The following FHOD3 variants were observed in gnomAD, a reference collection of about 807,000 sequenced individuals.
FHOD3 encodes formin homology 2 domain containing 3, also known as FH1/FH2 domain-containing protein 3.
In FHOD3, 90 loss-of-function variants were observed where a neutral mutation model predicts 173.0. That is an observed-to-expected ratio of 0.52 (90% CI 0.44 to 0.62). The LOEUF (loss-of-function observed/expected upper bound fraction) is 0.62, where lower values mean the gene tolerates loss of function less well. Ranked by LOEUF, FHOD3 falls within the 20% of genes least tolerant of loss-of-function variation. The pLI, the probability that FHOD3 is intolerant of heterozygous loss-of-function variation, is 0.00. For synonymous variants in FHOD3, 828 were observed against 823.0 expected (o/e 1.01, Z -0.10); for missense variants, 1,945 against 2,034.7 (o/e 0.96, Z 0.85).
chr18:36,318,668 G>A (rs1372419925), intron 1 of FHOD3, among the ~76,000 whole-genome samples: 8 of 151,988 alleles, frequency 5.3e-5, no homozygotes, highest in Admixed American at 5.2e-4. Context: ...CATGTCATCT[G>A]CAGAGACAGT....
chr18:36,560,801 T>TTG (rs779386429), intron 5 of FHOD3, among the ~76,000 whole-genome samples: 19 of 151,140 alleles, frequency 1.3e-4, no homozygotes, highest in Admixed American at 3.3e-4. Flanking sequence ...TTCTATAGCT[T>TTG]TGTGTGTGTG....
At chr18:36,622,294 G>A (rs372167970) in intron 9 of FHOD3, among the ~76,000 whole-genome samples, 28 of 152,106 alleles carry the variant, frequency 1.8e-4, no homozygotes, top group African/African-American at 5.1e-4. Flanking sequence ...ATAATGTATC[G>A]TACACTTAGA....
chr18:36,539,312 G>A (rs1446731765), intron 5 of FHOD3, among the ~76,000 whole-genome samples: 2 of 152,130 alleles, frequency 1.3e-5, no homozygotes, highest in Admixed American at 6.6e-5. Context: ...GGGGAACTTG[G>A]GCAAGATTTG....
chr18:36,365,346 A>C (rs993259327), intron 2 of FHOD3, among the ~76,000 whole-genome samples: 1 of 152,244 alleles, frequency 6.6e-6, no homozygotes, highest in African/African-American at 2.4e-5. Flanking sequence ...AGAATGGGAG[A>C]AAATGTTTGT....
chr18:36,497,584 A>G (rs2054812546), intron 3 of FHOD3, among the ~76,000 whole-genome samples: 1 of 152,250 alleles, frequency 6.6e-6, no homozygotes, highest in South Asian at 2.1e-4. Context: ...TAGACTTTAA[A>G]ACAGGGAATA....
chr18:36,389,943 C>T (rs1483295184), intron 3 of FHOD3, among the ~76,000 whole-genome samples: 1 of 152,136 alleles, frequency 6.6e-6, no homozygotes, highest in African/African-American at 2.4e-5. Flanking sequence ...TTAGAACTGC[C>T]TGGAGCCCTT....
rs752400101 is a variant in FHOD3, at chr18:36,601,664, T to C, written c.719-1010T>C. Among the ~76,000 whole-genome samples the C allele has an allele frequency of 8.6e-4, 131 of 152,324 alleles. 1 individual carries two copies. The highest frequency in any genetic ancestry group is 6.8e-3 in the Middle Eastern group (2 of 294). On this transcript the variant is annotated intron_variant, in intron 7 of 28. Transcript: ENST00000590592. Reference sequence around the variant, plus strand: ...TTGGAAACTACTGTATTTAGGTTATTTCCAAGTTTACTTTTCTCAAGTAAA... The same window carrying C: ...TTGGAAACTACTGTATTTAGGTTATCTCCAAGTTTACTTTTCTCAAGTAAA...
chr18:36,708,700 TGA>T lies in FHOD3; in HGVS notation c.2237-394_2237-393del, dbSNP rs773252271. On this transcript the variant is annotated intron_variant, in intron 17 of 28. Coordinates refer to ENST00000590592, the MANE Select transcript of FHOD3 (RefSeq NM_001281740.3). ...GAAGTCCCTGTTCCTGGTAGGCTGT[TGA>T]CCAGTGGTGGTTCTCAGCTTCTAGA... is the stretch of plus-strand genomic sequence containing the variant. Among the ~76,000 whole-genome samples the T allele has an allele frequency of 1.3e-3, 205 of 152,300 alleles. 1 individual carries two copies. The highest frequency in any genetic ancestry group is 2.5e-3 in the Non-Finnish European group (172 of 68,024).
chr18:36,607,740 A>AT (rs2032238374), intron 8 of FHOD3, among the ~76,000 whole-genome samples: 4 of 151,842 alleles, frequency 2.6e-5, no homozygotes, highest in African/African-American at 7.3e-5. Flanking sequence ...TTTTCTTAGA[A>AT]TTTTTTTTCA....
chr18:36,681,580 A>C lies in FHOD3; in HGVS notation c.1970+10A>C. On this transcript the variant is annotated intron_variant, in intron 15 of 28. Transcript: ENST00000590592. ...AAAGAAACAAATTCAGGTAAGAAGGATCTTAAGATTTTTTTTAAATAGTGA... is the reference window on the plus strand; with the variant it reads ...AAAGAAACAAATTCAGGTAAGAAGGCTCTTAAGATTTTTTTTAAATAGTGA... 2.5e-6 allele frequency: 4 copies of C among 1,603,172 alleles called. No individual in the cohort carries two copies. The highest frequency in any genetic ancestry group is 3.4e-6 in the Non-Finnish European group (4 of 1,177,204).
intron 14 of FHOD3, among the ~76,000 whole-genome samples, chr18:36,676,484 G>C (rs1331699359): frequency 6.6e-6 from 1 of 152,212 alleles, no homozygotes; most frequent in East Asian, 1.9e-4. Context: ...GCAACATATA[G>C]AATTATTTAC....
At chr18:36,314,032 G>A (rs1166211505) in intron 1 of FHOD3, among the ~76,000 whole-genome samples, 4 of 152,166 alleles carry the variant, frequency 2.6e-5, no homozygotes. Context: ...ACAGGCATGA[G>A]CCACTGCACC....
chr18:36,417,905 T>C (rs1209165108), intron 3 of FHOD3, among the ~76,000 whole-genome samples: 2 of 152,250 alleles, frequency 1.3e-5, no homozygotes, highest in East Asian at 1.9e-4. Context: ...AATCAACTTA[T>C]ATTAACTGTC....
intron 16 of FHOD3, among the ~76,000 whole-genome samples, chr18:36,692,090 G>C (rs748805402): frequency 1.1e-4 from 17 of 152,360 alleles, no homozygotes; most frequent in Middle Eastern, 3.4e-3. Flanking sequence ...GGTCCGAAGG[G>C]TGGACTGCCT....
intron 5 of FHOD3, among the ~76,000 whole-genome samples, chr18:36,568,848 A>G (rs2058362806): frequency 6.6e-6 from 1 of 152,124 alleles, no homozygotes; most frequent in Admixed American, 6.5e-5. Context: ...GAAAATCCCA[A>G]CTTGCATGGG....
chr18:36,358,706 T>A (rs1179534022), intron 2 of FHOD3, among the ~76,000 whole-genome samples: 1 of 152,172 alleles, frequency 6.6e-6, no homozygotes, highest in Non-Finnish European at 1.5e-5. Context: ...GATAGGGTCT[T>A]TCTTTGTCAC....
At chr18:36,410,585 A>G (rs1599010432) in intron 3 of FHOD3, among the ~76,000 whole-genome samples, 1 of 152,370 alleles carries the variant, frequency 6.6e-6, no homozygotes, top group East Asian at 1.9e-4. Flanking sequence ...TTTCCAAAGC[A>G]GCTGCCCCAT....
intron 5 of FHOD3, among the ~76,000 whole-genome samples, chr18:36,560,713 T>G (rs1020968553): frequency 2.0e-5 from 3 of 152,106 alleles, no homozygotes; most frequent in Non-Finnish European, 2.9e-5. Context: ...ACACCTCTCA[T>G]AGATCGCCAC....
chr18:36,717,785 G>A, intron 18 of FHOD3, 47 bp from the exon 19 acceptor site: 1 of 1,516,020 alleles, frequency 6.6e-7, no homozygotes, highest in African/African-American at 1.4e-5. Flanking sequence ...TCATGGAAGT[G>A]AGGCCCCCTT....
Sources: allele counts gnomAD v4.1 joint callset (sites outside exome capture counted in the v4.1 genomes callset), GRCh38; gene constraint gnomAD v4.1.1; transcripts MANE v1.5; gene names NCBI Gene and HGNC (gene_info 2026-07-23, HGNC 2026-07-21).